The following PCF11 variants were observed in gnomAD, a reference collection of about 807,000 sequenced individuals.
PCF11 encodes the protein pre-mRNA cleavage complex 2 protein Pcf11.
Under a neutral mutation model 166.1 loss-of-function variants are expected in PCF11, and 19 were observed. The observed-to-expected ratio is 0.11, with a 90% confidence interval of 0.08 to 0.17. The LOEUF (loss-of-function observed/expected upper bound fraction) is 0.17, where lower values mean the gene tolerates loss of function less well. Ranked by LOEUF, PCF11 falls within the 10% of genes least tolerant of loss-of-function variation. The pLI is 1.00. For missense variants in PCF11, 1,565 were observed against 1,855.5 expected, an observed-to-expected ratio of 0.84 and a Z score of 2.88; for synonymous variants, 663 against 644.1, an observed-to-expected ratio of 1.03 and a Z score of -0.44.
At position 83,170,004 on chromosome 11, in the gene PCF11, G is replaced by T. The variant is rs768118714; in HGVS notation, c.3660+9G>T. The stretch of plus-strand genomic sequence containing the variant: ...TTCAGGCATCTCAACAGGTAAGTCT[G>T]TTATTCTAAAATTGCGTTGTATGCA... On this transcript the variant is annotated intron_variant, in intron 8 of 15. Coordinates refer to ENST00000298281, the Ensembl canonical transcript of PCF11. 3 of 1,557,584 alleles carry T rather than the reference G, an allele frequency of 1.9e-6. No individual in the cohort carries two copies. In the East Asian group the frequency reaches 6.7e-5, roughly 35 times the overall value.
exon 5 of PCF11, chr11:83,166,219 G>T: frequency 6.2e-7 from 1 of 1,613,350 alleles, no homozygotes; most frequent in East Asian, 2.2e-5. Context: ...TCCGAACACA[G>T]ACTGGCTGGA....
In PCF11 at chr11:83,167,407, C is replaced by T. The variant is rs1860508968; in HGVS notation, c.2002-8C>T. On this transcript the variant is annotated splice_region_variant and splice_polypyrimidine_tract_variant and intron_variant, in intron 6 of 15. Coordinates refer to ENST00000298281, the Ensembl canonical transcript of PCF11. The surrounding 1 kb of genome is among the most constrained non-coding windows in gnomAD (Gnocchi z 4.2). ...AATATTTTATTTCCTTTTATCACCCCTATACAGACGAGTGAACGTTTAGCA... is the reference window on the plus strand; with the variant it reads ...AATATTTTATTTCCTTTTATCACCCTTATACAGACGAGTGAACGTTTAGCA... 7 of 1,586,626 alleles carry T rather than the reference C, an allele frequency of 4.4e-6. No homozygotes were observed. Among genetic ancestry groups the T allele is most frequent in the Non-Finnish European group, 6.0e-6 (7 of 1,169,948 alleles).
At chr11:83,157,306 C>G in exon 1 of PCF11, 1 of 749,466 alleles carries the variant, frequency 1.3e-6, no homozygotes. Flanking sequence ...CCCATCCCCC[C>G]TCCGCGGTCA....
chr11:83,170,260 CT>C (rs1052258629), intron 8 of PCF11, among the ~76,000 whole-genome samples: 16 of 150,318 alleles, frequency 1.1e-4, no homozygotes, highest in Non-Finnish European at 1.9e-4. Flanking sequence ...TTTCTTTTTC[CT>C]TTTTTTTTGC....
rs765150632 is a variant in PCF11 at position 83,169,588 on chromosome 11, C to G, written c.3253C>G (p.Pro1085Ala). 1.9e-6 allele frequency: 3 copies of G among 1,613,930 alleles called. No homozygotes were observed. In the East Asian group the frequency reaches 6.7e-5, roughly 36 times the overall value. Residue 1085 changes from proline (P) to alanine (A), a missense_variant, in exon 8 of 16, where the codon CCC becomes GCC. By Grantham distance (27) the Pro-to-Ala change is conservative (BLOSUM62 -1). Transcript: ENST00000298281. ...TGGACCACCTGGACAGCAGGTTCAA[C>G]CCAGATTTGACGGTGTACCTCAAAG... is the stretch of plus-strand genomic sequence containing the variant.
chr11:83,180,096 T>G (rs1178080708), intron 11 of PCF11: 1 of 149,564 alleles, frequency 6.7e-6, no homozygotes, highest in Admixed American at 6.6e-5. Flanking sequence ...TATTTTTTTT[T>G]TTTTTTTTTT....
chr11:83,166,234 G>A (rs1860452365), exon 5 of PCF11: 3 of 1,613,448 alleles, frequency 1.9e-6, no homozygotes, highest in Non-Finnish European at 2.5e-6. Context: ...GCTGGAAGTA[G>A]AAATAAAATC....
At chr11:83,157,462 A>T in exon 1 of PCF11, 1 of 1,611,810 alleles carries the variant, frequency 6.2e-7, no homozygotes, top group Non-Finnish European at 8.5e-7. Context: ...ACGCCGGCCG[A>T]GGCCGGTGCT....
At chr11:83,171,012 A>T (rs1462333534) in intron 8 of PCF11, among the ~76,000 whole-genome samples, 1 of 152,180 alleles carries the variant, frequency 6.6e-6, no homozygotes, top group Non-Finnish European at 1.5e-5. Context: ...CATTACACAG[A>T]ATCGGTGGGG....
In PCF11 at chr11:83,168,491, A is replaced by C. The variant is rs1377349925; in HGVS notation, c.2156A>C (p.Glu719Ala). The C allele has an allele frequency of 1.2e-6, 2 of 1,613,466 alleles. No individual in the cohort carries two copies. Among genetic ancestry groups the C allele is most frequent in the Admixed American group, 3.3e-5 (2 of 60,002 alleles). The stretch of plus-strand genomic sequence containing the variant: ...TTTCCACTTAAGCGACCTCGATATG[A>C]AGATTCAGATAAACCATTTGTAGAT... Residue 719 changes from glutamate to alanine, a missense_variant, in exon 8 of 16, where the codon GAA (glutamate) becomes GCA (alanine). Physicochemically the swap from Glu to Ala is moderately radical, Grantham distance 107. Coordinates refer to ENST00000298281, the Ensembl canonical transcript of PCF11.
At chr11:83,182,342 T>G in intron 13 of PCF11, 57 bp from the exon 14 acceptor site, 1 of 893,190 alleles carries the variant, frequency 1.1e-6, no homozygotes, top group Non-Finnish European at 1.8e-6. Context: ...TATTTTTACT[T>G]AATGGGGTTA....
At chr11:83,184,900 A>G (rs1047782063) in exon 16 of PCF11, 9 of 1,518,290 alleles carry the variant, frequency 5.9e-6, no homozygotes, top group Non-Finnish European at 6.2e-6. Context: ...TTTAAATAAA[A>G]TGAGAAAGGT....
intron 12 of PCF11, among the ~76,000 whole-genome samples, 187 bp downstream of exon 12, chr11:83,181,378 T>A (rs1335426830): frequency 2.0e-5 from 3 of 151,614 alleles, no homozygotes; most frequent in Non-Finnish European, 2.9e-5. Context: ...ACAGATTTTT[T>A]AAAAAATGAA....
Position 83,167,636 on chromosome 11 carries a change from T to G in PCF11, c.2092+131T>G. The G allele has an allele frequency of 1.3e-6, 2 of 1,533,588 alleles. No homozygotes were observed. Among genetic ancestry groups the G allele is most frequent in the Non-Finnish European group, 1.7e-6 (2 of 1,143,598 alleles). 95.0% of individuals were successfully genotyped at this position (1,533,588 alleles called of 1,614,324 possible). A position where few individuals can be genotyped will look rare whatever the true frequency, so the allele number is the denominator to read the frequency against. On this transcript the variant is annotated intron_variant, in intron 7 of 15. Transcript: ENST00000298281. The surrounding 1 kb of genome is among the most constrained non-coding windows in gnomAD (Gnocchi z 4.2). ...AAGCAAAACTGAAAAGGACACAGGTTCAGCATTCATTTCCAAGACTTGATC... is the reference window on the plus strand; with the variant it reads ...AAGCAAAACTGAAAAGGACACAGGTGCAGCATTCATTTCCAAGACTTGATC...
chr11:83,180,944 A>G, intron 11 of PCF11, 64 bp from the exon 12 acceptor site: 1 of 856,944 alleles, frequency 1.2e-6, no homozygotes, highest in Non-Finnish European at 1.8e-6. Flanking sequence ...AATATTTGTA[A>G]TTGGCTTTTA....
intron 11 of PCF11, chr11:83,180,170 C>T (rs1861038466): frequency 6.8e-6 from 1 of 147,666 alleles, no homozygotes; most frequent in Non-Finnish European, 1.5e-5. Flanking sequence ...CTCACTGCAT[C>T]CTCCGCCTCC....
intron 2 of PCF11, among the ~76,000 whole-genome samples, chr11:83,161,673 G>A (rs186628888): frequency 8.5e-5 from 13 of 152,110 alleles, no homozygotes; most frequent in African/African-American, 2.9e-4. Context: ...AAGAATAGAT[G>A]GATTTGCTTT....
At chr11:83,176,986 T>C (rs1860906884) in intron 9 of PCF11, 99 bp from the exon 10 acceptor site, 1 of 798,454 alleles carries the variant, frequency 1.3e-6, no homozygotes. Flanking sequence ...GCAGGACATC[T>C]TGAAGAAAAC....
intron 1 of PCF11, among the ~76,000 whole-genome samples, chr11:83,160,182 G>C (rs970701993): frequency 6.6e-6 from 1 of 152,210 alleles, no homozygotes; most frequent in Non-Finnish European, 1.5e-5. Context: ...CACTTGTATG[G>C]GCAATTGGTT....
Sources: gnomAD v4.1 joint callset for allele counts (sites outside exome capture counted in the v4.1 genomes callset) on GRCh38, gnomAD v4.1.1 for gene constraint, Gnocchi (gnomAD v3.1) non-coding constraint, MANE v1.5 for transcripts, NCBI Gene and HGNC (gene_info 2026-07-23, HGNC 2026-07-21) for gene names.